USB1: variants seen among roughly 807,000 people sequenced by gnomAD.
The protein encoded by USB1 is U6 snRNA phosphodiesterase 1.
A neutral mutation model predicts 29.9 loss-of-function variants in USB1; 21 were observed. The ratio of observed to expected loss-of-function variants is 0.70; its 90% CI spans 0.50 to 1.01. The LOEUF (loss-of-function observed/expected upper bound fraction) is 1.01. Ranked by LOEUF, USB1 falls within the 50% of genes least tolerant of loss-of-function variation. The pLI, the probability that USB1 is intolerant of heterozygous loss-of-function variation, is 0.00. For synonymous variants in USB1, 143 were observed against 134.9 expected (o/e 1.06, Z -0.42); for missense variants, 330 against 347.1 (o/e 0.95, Z 0.39).
intron 2 of USB1, among the ~76,000 whole-genome samples, chr16:58,008,704 C>G (rs923724615): frequency 6.6e-6 from 1 of 152,168 alleles, no homozygotes; most frequent in Non-Finnish European, 1.5e-5. Flanking sequence ...CCACCTGCCT[C>G]TGCCTCCCAA....
chr16:58,007,875 C>T (rs1042537419), intron 2 of USB1, among the ~76,000 whole-genome samples: 5 of 151,976 alleles, frequency 3.3e-5, no homozygotes, highest in Non-Finnish European at 5.9e-5. Context: ...CCCAGCTACT[C>T]GGGAGACTGA....
chr16:58,010,812 G>C, intron 3 of USB1: 1 of 580,064 alleles, frequency 1.7e-6, no homozygotes, highest in South Asian at 2.1e-5. Flanking sequence ...AGTTGGGAGT[G>C]AGCCACCCTC....
intron 3 of USB1, chr16:58,012,869 G>A (rs777298198): frequency 6.9e-5 from 68 of 987,092 alleles, no homozygotes; most frequent in Non-Finnish European, 8.1e-5. Flanking sequence ...CTGGGCACGA[G>A]TCCCTTGCTG....
Position 58,012,414 on chromosome 16 carries a change from C to G in USB1, c.450-1859C>G. 2.9e-6 allele frequency: 4 copies of G among 1,362,516 alleles called. No homozygotes were observed. The South Asian group carries it at 3.7e-5, about 13-fold the overall frequency. The allele number at this position is 1,362,516 out of a possible 1,614,324, so 84.4% of individuals were successfully genotyped here. A position where few individuals can be genotyped will look rare whatever the true frequency, so the allele number is the denominator to read the frequency against. ...ATAACTAAAAGATTCAGAGGTAGCA[C>G]TGGCTCATGCATGAGTGGACCGGGG... On this transcript the variant is annotated intron_variant, in intron 3 of 6. Coordinates refer to ENST00000219281, the MANE Select transcript of USB1 (RefSeq NM_024598.4).
At chr16:58,012,252 C>G in intron 3 of USB1, 1 of 1,533,648 alleles carries the variant, frequency 6.5e-7, no homozygotes, top group Non-Finnish European at 8.7e-7. Context: ...CTAGTCCAGC[C>G]CTCCCCCTCT....
At chr16:58,009,724 C>CA (rs537536509) in intron 2 of USB1, among the ~76,000 whole-genome samples, 236 of 108,716 alleles carry the variant, frequency 2.2e-3, no homozygotes, top group South Asian at 8.1e-3. Context: ...GACTCCTTCT[C>CA]AAAAAAAAAA....
intron 4 of USB1, 103 bp downstream of exon 4, chr16:58,014,429 T>C: frequency 1.0e-6 from 1 of 1,000,014 alleles, no homozygotes; most frequent in Non-Finnish European, 1.6e-6. Flanking sequence ...TGTTTGCTTT[T>C]AACCAACTCT....
intron 2 of USB1, among the ~76,000 whole-genome samples, chr16:58,005,968 A>G (rs1034988622): frequency 6.6e-6 from 1 of 152,374 alleles, no homozygotes; most frequent in Admixed American, 6.5e-5. Context: ...TTAACTTTGT[A>G]CACTGCAACC....
intron 2 of USB1, among the ~76,000 whole-genome samples, chr16:58,008,891 C>A (rs1963425625): frequency 6.6e-6 from 1 of 151,878 alleles, no homozygotes; most frequent in South Asian, 2.1e-4. Context: ...CTGGAGATTT[C>A]TTCTTTGATC....
Position 58,011,097 on chromosome 16 carries a change from C to T in USB1, c.449+985C>T, listed in dbSNP as rs1268431758. 3.8e-6 allele frequency: 4 copies of T among 1,040,388 alleles called. No individual in the cohort carries two copies. In the Admixed American group the frequency reaches 5.9e-5, roughly 15 times the overall value. 64.4% of individuals were successfully genotyped at this position (1,040,388 alleles called of 1,614,324 possible). ...GGAAATTCCAAAGGATTTAGGAGCTCTGCGTCAGGAGCCAGGATCACAGAC... is the reference window on the plus strand; with the variant it reads ...GGAAATTCCAAAGGATTTAGGAGCTTTGCGTCAGGAGCCAGGATCACAGAC... On this transcript the variant is annotated intron_variant, in intron 3 of 6. Transcript: ENST00000219281.
intron 3 of USB1, chr16:58,010,800 G>T (rs940047991): frequency 1.2e-5 from 7 of 571,416 alleles, no homozygotes; most frequent in Non-Finnish European, 6.2e-6. Context: ...CTGACCCTGT[G>T]GAGTTGGGAG....
At chr16:58,016,393 C>G (rs1261169868) in intron 4 of USB1, 1 of 152,264 alleles carries the variant, frequency 6.6e-6, no homozygotes, top group Non-Finnish European at 1.5e-5. Context: ...CTATTGGACC[C>G]CTAGGTGGAA....
chr16:58,002,016 G>C (rs758200135), intron 1 of USB1, among the ~76,000 whole-genome samples: 1 of 152,220 alleles, frequency 6.6e-6, no homozygotes, highest in Non-Finnish European at 1.5e-5. Flanking sequence ...GAACAAAACC[G>C]TCGGCCTTAC....
intron 3 of USB1, chr16:58,011,600 G>A (rs1346224238): frequency 2.0e-6 from 2 of 988,850 alleles, no homozygotes; most frequent in Non-Finnish European, 2.4e-6. Flanking sequence ...TCGGTCCTGT[G>A]GTTGTTTCAC....
chr16:58,015,868 G>A (rs183313517), intron 4 of USB1: 6 of 152,390 alleles, frequency 3.9e-5, no homozygotes, highest in East Asian at 1.9e-4. Flanking sequence ...CAGAAAGCAC[G>A]AGGGAGAATG....
chr16:58,012,649 T>C, intron 3 of USB1: 3 of 1,267,710 alleles, frequency 2.4e-6, no homozygotes. Flanking sequence ...CTGTGTGCTT[T>C]CTTTGGGAGT....
chr16:58,018,857 TG>T, intron 5 of USB1, 114 bp from the exon 6 acceptor site: 2 of 1,014,858 alleles, frequency 2.0e-6, no homozygotes, highest in Non-Finnish European at 3.0e-6. Flanking sequence ...TGTCTCCCAC[TG>T]GGCAGGCCAG....
chr16:58,010,455 C>T (rs775481991), intron 3 of USB1, among the ~76,000 whole-genome samples: 2 of 152,158 alleles, frequency 1.3e-5, no homozygotes, highest in Non-Finnish European at 2.9e-5. Context: ...GTCCTATAAT[C>T]GAACTCAATT....
rs769724028 is a variant in USB1, at chr16:58,002,550, A to T, written c.170A>T (p.Glu57Val). 1 of 1,613,968 alleles carries T rather than the reference A, an allele frequency of 6.2e-7. No homozygotes were observed. The highest frequency in any genetic ancestry group is 8.5e-7 in the Non-Finnish European group (1 of 1,180,038). ...GTGCTGAACATGTTCCCGGGCACCG[A>T]GGAGGGGCCTGAAGATGACAGCACA... The part of the protein sequence containing the change: ...DSVLNMFPGT[E>V]EGPEDDSTKH... Residue 57 changes from glutamate (E) to valine (V), a missense_variant, in exon 2 of 7, where the codon GAG becomes GTG. Transcript: ENST00000219281.
Sources: allele counts gnomAD v4.1 joint callset (sites outside exome capture counted in the v4.1 genomes callset), GRCh38; gene constraint gnomAD v4.1.1; transcripts MANE v1.5; gene names NCBI Gene and HGNC (gene_info 2026-07-23, HGNC 2026-07-21).